PLCG2: variants seen among roughly 807,000 people sequenced by gnomAD.
PLCG2 encodes 1-phosphatidylinositol 4,5-bisphosphate phosphodiesterase gamma-2.
A neutral mutation model predicts 175.6 loss-of-function variants in PLCG2; 69 were observed. The ratio of observed to expected loss-of-function variants is 0.39; its 90% CI spans 0.32 to 0.48. The LOEUF (loss-of-function observed/expected upper bound fraction) is 0.48. Ranked by LOEUF, PLCG2 falls within the 20% of genes least tolerant of loss-of-function variation. PLCG2 has a pLI of 0.91. For synonymous variants in PLCG2, 827 were observed against 624.0 expected, an observed-to-expected ratio of 1.33 and a Z score of -4.85; for missense variants, 1,798 against 1,650.9, an observed-to-expected ratio of 1.09 and a Z score of -1.54.
At chr16:81,841,269 C>G (rs1396286727) in intron 2 of PLCG2, among the ~76,000 whole-genome samples, 1 of 151,702 alleles carries the variant, frequency 6.6e-6, no homozygotes, top group South Asian at 2.1e-4. Flanking sequence ...TAGAGTCTCA[C>G]TGAGTCGCCT....
chr16:81,883,204 A>G (rs1908175857), intron 8 of PLCG2, 65 bp from the exon 9 acceptor site: 3 of 1,441,766 alleles, frequency 2.1e-6, no homozygotes, highest in African/African-American at 1.4e-5. Context: ...ATTGGCTGGC[A>G]TCTCCTCTCG....
At chr16:81,938,309 T>C (rs539532892) in intron 28 of PLCG2, among the ~76,000 whole-genome samples, 2 of 152,262 alleles carry the variant, frequency 1.3e-5, no homozygotes, top group East Asian at 1.9e-4. Flanking sequence ...AGAGAAAGTG[T>C]TGTTGCTTTG....
chr16:81,907,652 T>C (rs2143649084), intron 15 of PLCG2, 33 bp from the exon 16 acceptor site: 1 of 1,524,460 alleles, frequency 6.6e-7, no homozygotes, highest in Non-Finnish European at 9.1e-7. Flanking sequence ...GGTAGAGGAC[T>C]TGGGGGGCAC....
intron 7 of PLCG2, among the ~76,000 whole-genome samples, chr16:81,875,242 G>C (rs1467551066): frequency 6.6e-6 from 1 of 152,054 alleles, no homozygotes; most frequent in Non-Finnish European, 1.5e-5. Context: ...GGGATTACAG[G>C]TGTGAGCCAT....
intron 5 of PLCG2, among the ~76,000 whole-genome samples, chr16:81,863,116 T>G (rs1907062666): frequency 6.6e-6 from 1 of 152,208 alleles, no homozygotes; most frequent in African/African-American, 2.4e-5. Flanking sequence ...GTATATCATG[T>G]TGTCATGCTC....
intron 2 of PLCG2, among the ~76,000 whole-genome samples, chr16:81,819,505 A>T (rs1371956526): frequency 2.0e-5 from 3 of 151,868 alleles, no homozygotes; most frequent in Admixed American, 6.6e-5. Context: ...ACTGCTTTTC[A>T]CCCTGCCCTG....
intron 18 of PLCG2, among the ~76,000 whole-genome samples, chr16:81,912,095 C>T (rs983633687): frequency 1.3e-5 from 2 of 151,720 alleles, no homozygotes; most frequent in Admixed American, 1.3e-4. Context: ...CCACGCCTGG[C>T]CCAATTTTTG....
chr16:81,781,080 A>T (rs1042292851), intron 1 of PLCG2, among the ~76,000 whole-genome samples: 21 of 149,200 alleles, frequency 1.4e-4, no homozygotes, highest in Non-Finnish European at 3.0e-4. Context: ...TTTAGAAAAC[A>T]GCAAGAACAC....
intron 3 of PLCG2, among the ~76,000 whole-genome samples, chr16:81,857,193 G>C (rs12930890): frequency 6.6e-5 from 10 of 152,056 alleles, no homozygotes; most frequent in South Asian, 4.1e-4. Context: ...TGATGTCTCC[G>C]TCATCCCTCT....
chr16:81,754,713 C>A (rs1456971997), intron 1 of PLCG2, among the ~76,000 whole-genome samples: 2 of 151,494 alleles, frequency 1.3e-5, no homozygotes, highest in African/African-American at 4.9e-5. Flanking sequence ...ATGTCAAAGG[C>A]CTGTCTGAAG....
At chr16:81,878,456 C>T (rs1907922714) in intron 7 of PLCG2, among the ~76,000 whole-genome samples, 1 of 152,202 alleles carries the variant, frequency 6.6e-6, no homozygotes, top group African/African-American at 2.4e-5. Flanking sequence ...CCATCCTATA[C>T]ATAATACTAG....
chr16:81,881,150 C>T (rs1658150304), intron 8 of PLCG2, among the ~76,000 whole-genome samples, 197 bp downstream of exon 8: 1 of 152,132 alleles, frequency 6.6e-6, no homozygotes, highest in Non-Finnish European at 1.5e-5. Context: ...AGGTGTGGAG[C>T]ACTGGGAGGA....
chr16:81,805,623 C>T (rs150720490), intron 2 of PLCG2, among the ~76,000 whole-genome samples: 43 of 152,006 alleles, frequency 2.8e-4, no homozygotes, highest in African/African-American at 9.6e-4. Flanking sequence ...GCCTCACACC[C>T]CCTTCCCCCA....
In PLCG2 at chr16:81,959,116, G is replaced by A. The variant is rs1242815538; in HGVS notation, c.*1118G>A. 2 of 223,806 alleles carry A rather than the reference G, an allele frequency of 8.9e-6. No homozygotes were observed. The highest frequency in any genetic ancestry group is 2.2e-5 in the African/African-American group (1 of 44,766). The allele number at this position is 223,806 out of a possible 1,614,324, so 13.9% of individuals were successfully genotyped here. On this transcript the variant is annotated 3_prime_UTR_variant, in exon 33 of 33. Coordinates refer to ENST00000564138, the MANE Select transcript of PLCG2 (RefSeq NM_002661.5). Reference sequence around the variant, plus strand: ...TTTTTAAAGGAGAGGAGAGTGCTGGGTTGGGAAGGGAGGTGGTTGGTAGAG... The same window carrying A: ...TTTTTAAAGGAGAGGAGAGTGCTGGATTGGGAAGGGAGGTGGTTGGTAGAG...
chr16:81,855,192 C>CAA (rs35058756), intron 3 of PLCG2, among the ~76,000 whole-genome samples: 3,100 of 102,846 alleles, frequency 0.03, 48 homozygotes, highest in Non-Finnish European at 0.034. Flanking sequence ...GACTCTGTCT[C>CAA]AAAAAAAAAA....
rs1157856423 is a variant in PLCG2, at chr16:81,961,516, C to A, written c.*3518C>A. The A allele has an allele frequency of 4.5e-6, 1 of 220,790 alleles. No homozygotes were observed. Among genetic ancestry groups the A allele is most frequent in the Non-Finnish European group, 9.1e-6 (1 of 110,476 alleles). 13.7% of individuals were successfully genotyped at this position (220,790 alleles called of 1,614,324 possible). A position where few individuals can be genotyped will look rare whatever the true frequency, so the allele number is the denominator to read the frequency against. ...AGGATACTATATAATACTTTTGGTACAGAGATAGAATTAAATAACATAAAA... is the reference window on the plus strand; with the variant it reads ...AGGATACTATATAATACTTTTGGTAAAGAGATAGAATTAAATAACATAAAA... On this transcript the variant is annotated 3_prime_UTR_variant, in exon 33 of 33. Coordinates refer to ENST00000564138, the MANE Select transcript of PLCG2 (RefSeq NM_002661.5).
intron 2 of PLCG2, among the ~76,000 whole-genome samples, chr16:81,847,390 T>G (rs951482828): frequency 9.9e-5 from 15 of 152,192 alleles, no homozygotes; most frequent in African/African-American, 3.6e-4. Flanking sequence ...TGGCCATTGG[T>G]GACCAACTCA....
chr16:81,816,651 ATTTTTTTTTTTTT>A (rs71146047), intron 2 of PLCG2, among the ~76,000 whole-genome samples: 1,523 of 108,884 alleles, frequency 0.014, 129 homozygotes, highest in African/African-American at 0.052. Flanking sequence ...GCTAATTTTA[ATTTTTTTTTTTTT>A]TTTTTTTTTT....
At chr16:81,831,120 T>C (rs1027301401) in intron 2 of PLCG2, among the ~76,000 whole-genome samples, 4 of 152,262 alleles carry the variant, frequency 2.6e-5, no homozygotes, top group African/African-American at 7.2e-5. Context: ...TGAGAGCCCC[T>C]CCCTCCTGGT....
Sources: allele counts gnomAD v4.1 joint callset (sites outside exome capture counted in the v4.1 genomes callset), GRCh38; gene constraint gnomAD v4.1.1; transcripts MANE v1.5; gene names NCBI Gene and HGNC (gene_info 2026-07-23, HGNC 2026-07-21).